TTC28: variants seen among roughly 807,000 people sequenced by gnomAD.
TTC28 encodes tetratricopeptide repeat protein 28.
TTC28 carries 61 observed loss-of-function variants against 198.0 expected under a neutral mutation model. The ratio of observed to expected loss-of-function variants is 0.31; its 90% CI spans 0.25 to 0.38. The LOEUF is 0.38. Among genes scored for constraint, TTC28 ranks in the 10% least tolerant of loss-of-function variants. TTC28 has a pLI of 1.00. For missense variants in TTC28, 2,678 were observed against 3,164.0 expected, an observed-to-expected ratio of 0.85 and a Z score of 3.69; for synonymous variants, 1,171 against 1,297.8, an observed-to-expected ratio of 0.90 and a Z score of 2.10.
intron 5 of TTC28, among the ~76,000 whole-genome samples, chr22:28,189,831 C>G (rs1441126819): frequency 6.6e-6 from 1 of 151,708 alleles, no homozygotes; most frequent in Non-Finnish European, 1.5e-5. Context: ...AAAACTTTAC[C>G]TATATTTTGC....
intron 5 of TTC28, among the ~76,000 whole-genome samples, chr22:28,183,210 C>G (rs1456298354): frequency 6.6e-6 from 1 of 152,104 alleles, no homozygotes; most frequent in East Asian, 1.9e-4. Context: ...CAGACACACA[C>G]CACTATGCCA....
chr22:28,193,029 G>C (rs1328481736), intron 5 of TTC28, among the ~76,000 whole-genome samples: 4 of 152,168 alleles, frequency 2.6e-5, no homozygotes, highest in Non-Finnish European at 5.9e-5. Context: ...AATGCTAAGG[G>C]CAGCCAGAGA....
chr22:28,334,635 C>T (rs189383804), intron 2 of TTC28, among the ~76,000 whole-genome samples: 2 of 152,294 alleles, frequency 1.3e-5, no homozygotes, highest in South Asian at 2.1e-4. Context: ...TGTCTTTTGG[C>T]TGCATAAATG....
At chr22:28,299,572 C>G (rs757402387) in intron 3 of TTC28, among the ~76,000 whole-genome samples, 6 of 152,260 alleles carry the variant, frequency 3.9e-5, no homozygotes, top group Admixed American at 1.3e-4. Context: ...TGCTAGAATA[C>G]AAAAGCACAA....
At chr22:28,405,942 T>C (rs1208540970) in intron 2 of TTC28, among the ~76,000 whole-genome samples, 2 of 152,254 alleles carry the variant, frequency 1.3e-5, no homozygotes, top group African/African-American at 4.8e-5. Context: ...GCCTATAGGT[T>C]AGCCCTGCTC....
chr22:28,446,486 C>T (rs531946972), intron 2 of TTC28, among the ~76,000 whole-genome samples: 8 of 152,228 alleles, frequency 5.3e-5, no homozygotes, highest in African/African-American at 1.9e-4. Flanking sequence ...GGGGCTGGAT[C>T]CCTCATGAAT....
intron 2 of TTC28, among the ~76,000 whole-genome samples, chr22:28,471,245 T>C (rs1568965026): frequency 6.6e-6 from 1 of 152,212 alleles, no homozygotes; most frequent in Non-Finnish European, 1.5e-5. Flanking sequence ...CTTTATGGAA[T>C]AGGTCATTAG....
chr22:28,023,579 C>A (rs1010940422), intron 13 of TTC28, among the ~76,000 whole-genome samples: 1 of 152,242 alleles, frequency 6.6e-6, no homozygotes, highest in Admixed American at 6.5e-5. Context: ...TGGGTCCAAG[C>A]CTGTCCCTGA....
At chr22:28,310,968 C>T (rs943146540) in intron 2 of TTC28, among the ~76,000 whole-genome samples, 1 of 151,762 alleles carries the variant, frequency 6.6e-6, no homozygotes, top group Non-Finnish European at 1.5e-5. Context: ...TTAGTGGAGG[C>T]GGGGTTTCAC....
intron 2 of TTC28, among the ~76,000 whole-genome samples, chr22:28,608,634 C>T (rs1407830479): frequency 6.6e-6 from 1 of 151,898 alleles, no homozygotes; most frequent in African/African-American, 2.4e-5. Flanking sequence ...ACCTAAGAAG[C>T]TCCTAATCTC....
intron 2 of TTC28, among the ~76,000 whole-genome samples, chr22:28,407,632 T>C (rs967141728): frequency 2.6e-5 from 4 of 152,254 alleles, no homozygotes; most frequent in Non-Finnish European, 4.4e-5. Context: ...GTCAGAGCAC[T>C]AATCTTATTT....
chr22:28,401,034 A>T lies in TTC28; in HGVS notation c.382-94391T>A, dbSNP rs539882510. Among the ~76,000 whole-genome samples the T allele has an allele frequency of 9.8e-4, 149 of 152,252 alleles. 2 individuals carry two copies. The highest frequency in any genetic ancestry group is 7.1e-3 in the South Asian group (34 of 4,816). On this transcript the variant is annotated intron_variant, in intron 2 of 22. Transcript: ENST00000397906. ...TTAATTCTTATTCATATTTGAGTTG[A>T]GAAAGAAGATAGGAGTAGTAAAGGC...
At chr22:28,080,885 C>T (rs913228382) in intron 12 of TTC28, among the ~76,000 whole-genome samples, 2 of 151,984 alleles carry the variant, frequency 1.3e-5, no homozygotes, top group Admixed American at 6.6e-5. Flanking sequence ...AAGGGTCCAA[C>T]GTTTTTCCTT....
chr22:28,525,208 G>C (rs550941530), intron 2 of TTC28, among the ~76,000 whole-genome samples: 77 of 152,184 alleles, frequency 5.1e-4, no homozygotes, highest in Middle Eastern at 3.4e-3. Flanking sequence ...GGAGTGCAGC[G>C]GTGCAATCAT....
At chr22:28,484,155 C>T (rs1404962058) in intron 2 of TTC28, among the ~76,000 whole-genome samples, 1 of 152,098 alleles carries the variant, frequency 6.6e-6, no homozygotes, top group African/African-American at 2.4e-5. Flanking sequence ...TAGGGCCTGG[C>T]TCTCTGCCAC....
chr22:28,364,352 G>A (rs139188023), intron 2 of TTC28, among the ~76,000 whole-genome samples: 92 of 152,286 alleles, frequency 6.0e-4, no homozygotes, highest in African/African-American at 1.9e-3. Flanking sequence ...CCCCAGCCAC[G>A]TGGAACTGCA....
chr22:28,088,614 G>A (rs561551491), intron 12 of TTC28, among the ~76,000 whole-genome samples: 46 of 152,208 alleles, frequency 3.0e-4, no homozygotes, highest in South Asian at 4.1e-4. Flanking sequence ...CAAGGACTTC[G>A]TGTATAAAAC....
chr22:28,294,485 C>T (rs1327215033), intron 5 of TTC28, among the ~76,000 whole-genome samples: 1 of 150,358 alleles, frequency 6.7e-6, no homozygotes, highest in African/African-American at 2.5e-5. Flanking sequence ...TCTTAAAAGT[C>T]TTTCTACCCT....
intron 6 of TTC28, among the ~76,000 whole-genome samples, chr22:28,133,292 C>T (rs1052090680): frequency 6.6e-6 from 1 of 152,142 alleles, no homozygotes; most frequent in South Asian, 2.1e-4. Flanking sequence ...CACCTCCCAG[C>T]GTGAGCAACA....
Sources: gnomAD v4.1 joint callset for allele counts (sites outside exome capture counted in the v4.1 genomes callset) on GRCh38, gnomAD v4.1.1 for gene constraint, MANE v1.5 for transcripts, NCBI Gene and HGNC (gene_info 2026-07-23, HGNC 2026-07-21) for gene names.